DLG2: variants seen among roughly 807,000 people sequenced by gnomAD.
DLG2 encodes discs large MAGUK scaffold protein 2.
A neutral mutation model predicts 132.5 loss-of-function variants in DLG2; 45 were observed. The ratio of observed to expected loss-of-function variants is 0.34; its 90% CI spans 0.27 to 0.44. The LOEUF (loss-of-function observed/expected upper bound fraction) is 0.44. Ranked by LOEUF, DLG2 falls within the 20% of genes least tolerant of loss-of-function variation. The probability of loss-of-function intolerance (pLI) is 1.00; values close to 1 mark genes in which losing one functional copy is unlikely to be tolerated. For synonymous variants in DLG2, 424 were observed against 419.6 expected (o/e 1.01, Z -0.13); for missense variants, 1,045 against 1,196.9 (o/e 0.87, Z 1.87).
At chr11:84,713,595 C>T (rs935840229) in intron 6 of DLG2, among the ~76,000 whole-genome samples, 38 of 152,072 alleles carry the variant, frequency 2.5e-4, no homozygotes, top group Non-Finnish European at 1.9e-4. Flanking sequence ...AGTTTTAACC[C>T]GATTCACAGG....
Position 84,720,477 on chromosome 11 carries a change from A to T in DLG2, c.358-185746T>A, listed in dbSNP as rs1193677291. 3.0e-6 allele frequency: 3 copies of T among 984,952 alleles called. No individual in the cohort carries two copies. The African/African-American group carries it at 5.3e-5, about 17-fold the overall frequency. The allele number at this position is 984,952 out of a possible 1,614,324, so 61.0% of individuals were successfully genotyped here. On this transcript the variant is annotated intron_variant, in intron 6 of 27. Coordinates refer to ENST00000376104, the MANE Select transcript of DLG2 (RefSeq NM_001142699.3). ...CCGGGCACATGGAGCGACAGCCTAG[A>T]CCGAGCTGCCGCTTCGATCACTGCC... is the stretch of plus-strand genomic sequence containing the variant.
chr11:85,213,798 G>C (rs1410525422), intron 4 of DLG2, among the ~76,000 whole-genome samples: 1 of 151,936 alleles, frequency 6.6e-6, no homozygotes, highest in Non-Finnish European at 1.5e-5. Flanking sequence ...GGACAGGAAG[G>C]GTATGTTCAG....
chr11:83,715,305 G>A (rs73509272), intron 18 of DLG2, among the ~76,000 whole-genome samples: 2 of 152,008 alleles, frequency 1.3e-5, no homozygotes, highest in Non-Finnish European at 1.5e-5. Context: ...TACATAGATT[G>A]CACTGTGAAT....
At chr11:83,682,864 C>A (rs987769920) in intron 18 of DLG2, among the ~76,000 whole-genome samples, 1 of 152,114 alleles carries the variant, frequency 6.6e-6, no homozygotes, top group Non-Finnish European at 1.5e-5. Flanking sequence ...GGGAGTCCTA[C>A]CCCCTTACTG....
intron 16 of DLG2, among the ~76,000 whole-genome samples, chr11:83,835,924 A>G (rs2154006692): frequency 6.6e-6 from 1 of 152,302 alleles, no homozygotes; most frequent in East Asian, 1.9e-4. Context: ...CCCCTATGGT[A>G]TATACACATA....
intron 6 of DLG2, among the ~76,000 whole-genome samples, chr11:84,990,528 C>A (rs901103767): frequency 1.3e-5 from 2 of 152,042 alleles, no homozygotes; most frequent in African/African-American, 4.8e-5. Flanking sequence ...GAATTCCCAG[C>A]TTCAAAACTA....
At chr11:84,773,708 G>A (rs2153893523) in intron 6 of DLG2, among the ~76,000 whole-genome samples, 1 of 152,196 alleles carries the variant, frequency 6.6e-6, no homozygotes, top group South Asian at 2.1e-4. Context: ...CTCAATACAG[G>A]TGGAAAAAGA....
intron 3 of DLG2, among the ~76,000 whole-genome samples, chr11:85,482,668 G>A (rs2093326097): frequency 6.6e-6 from 1 of 152,006 alleles, no homozygotes; most frequent in Non-Finnish European, 1.5e-5. Flanking sequence ...ATGGTCCCAG[G>A]TATCAGGCAA....
rs77440217 is a variant in DLG2, at chr11:85,137,846, T to C, written c.282+16710A>G. 6.7e-4 allele frequency among the ~76,000 whole-genome samples: 102 copies of C among 152,252 alleles called. 1 individual carries two copies. The East Asian group carries it at 0.019, about 28-fold the overall frequency. ...AAATAAATAGACTGCAGGCAGGTCATGGCAAAATGCCTGCCCTCATTTCCA... is the reference window on the plus strand; with the variant it reads ...AAATAAATAGACTGCAGGCAGGTCACGGCAAAATGCCTGCCCTCATTTCCA... On this transcript the variant is annotated intron_variant, in intron 5 of 27. Transcript: ENST00000376104.
chr11:84,726,989 G>C (rs1456778931), intron 6 of DLG2, among the ~76,000 whole-genome samples: 1 of 152,168 alleles, frequency 6.6e-6, no homozygotes, highest in Non-Finnish European at 1.5e-5. Flanking sequence ...GTAGATTCTG[G>C]ATATTAGCCC....
intron 3 of DLG2, among the ~76,000 whole-genome samples, chr11:85,470,057 A>G (rs1224841702): frequency 6.6e-6 from 1 of 151,632 alleles, no homozygotes; most frequent in East Asian, 1.9e-4. Context: ...ACTCCTATCC[A>G]TCCACACTGT....
intron 6 of DLG2, among the ~76,000 whole-genome samples, chr11:85,066,765 C>A (rs1360865543): frequency 6.6e-6 from 1 of 151,502 alleles, no homozygotes; most frequent in Non-Finnish European, 1.5e-5. Flanking sequence ...AAATCATCAA[C>A]AAACTTAGCA....
intron 3 of DLG2, among the ~76,000 whole-genome samples, chr11:85,512,461 T>G (rs1172296005): frequency 6.6e-6 from 1 of 152,124 alleles, no homozygotes; most frequent in East Asian, 1.9e-4. Flanking sequence ...CTTTGGATAC[T>G]GTGTCTATAA....
chr11:85,559,882 G>T (rs1170343355), intron 3 of DLG2, among the ~76,000 whole-genome samples: 1 of 151,512 alleles, frequency 6.6e-6, no homozygotes, highest in Non-Finnish European at 1.5e-5. Flanking sequence ...CTGGTGTAAA[G>T]TGTGTTAATC....
At chr11:84,449,353 A>C (rs1602328963) in intron 7 of DLG2, among the ~76,000 whole-genome samples, 1 of 151,890 alleles carries the variant, frequency 6.6e-6, no homozygotes, top group East Asian at 1.9e-4. Flanking sequence ...AGCTGCTGAA[A>C]TCTTCAATGC....
At chr11:84,486,140 G>C (rs1024681851) in intron 7 of DLG2, among the ~76,000 whole-genome samples, 1 of 152,046 alleles carries the variant, frequency 6.6e-6, no homozygotes, top group Non-Finnish European at 1.5e-5. Flanking sequence ...GTGGCAGATG[G>C]GGATAGCCTC....
chr11:85,369,587 G>A (rs1431820072), intron 3 of DLG2, among the ~76,000 whole-genome samples: 1 of 152,106 alleles, frequency 6.6e-6, no homozygotes, highest in African/African-American at 2.4e-5. Flanking sequence ...TTTGGCTATG[G>A]CCCATCTGGT....
At chr11:84,772,033 C>T (rs2069504533) in intron 6 of DLG2, among the ~76,000 whole-genome samples, 1 of 151,926 alleles carries the variant, frequency 6.6e-6, no homozygotes, top group Non-Finnish European at 1.5e-5. Context: ...ATGTAATGAC[C>T]CCCATAGGCT....
At chr11:84,619,492 A>T (rs1309019383) in intron 6 of DLG2, among the ~76,000 whole-genome samples, 1 of 151,726 alleles carries the variant, frequency 6.6e-6, no homozygotes, top group Non-Finnish European at 1.5e-5. Context: ...ATAATACCAG[A>T]ATAATAAAAT....
Sources: allele counts gnomAD v4.1 joint callset (sites outside exome capture counted in the v4.1 genomes callset), GRCh38; gene constraint gnomAD v4.1.1; transcripts MANE v1.5; gene names NCBI Gene and HGNC (gene_info 2026-07-23, HGNC 2026-07-21).